DMD: variants seen among roughly 807,000 people sequenced by gnomAD.
DMD encodes mutant dystrophin.
In DMD, 63 loss-of-function variants were observed where a neutral mutation model predicts 330.1. The observed-to-expected ratio is 0.19, with a 90% CI of 0.16 to 0.24. DMD has a LOEUF of 0.24. Among genes scored for constraint, DMD ranks in the 10% least tolerant of loss-of-function variants. The pLI, the probability that DMD is intolerant of heterozygous loss-of-function variation, is 1.00. For missense variants in DMD, 3,344 were observed against 2,684.1 expected (o/e 1.25, Z -5.43); for synonymous variants, 1,223 against 959.8 (o/e 1.27, Z -5.07).
chrX:31,368,187 G>C (rs1172739753), intron 60 of DMD, among the ~76,000 whole-genome samples: 1 of 112,212 alleles, frequency 8.9e-6, no homozygotes, highest in African/African-American at 3.2e-5. Context: ...CAGCCACAGG[G>C]GTTAGTGCTT....
At chrX:32,463,700 G>C in intron 24 of DMD, 106 bp from the exon 25 acceptor site, 5 of 737,924 alleles carry the variant, frequency 6.8e-6, no homozygotes, top group African/African-American at 2.2e-5. Context: ...CATTGCATAT[G>C]GATTTTTGTC....
At chrX:33,147,095 T>C (rs1351015214) in intron 1 of DMD, among the ~76,000 whole-genome samples, 2 of 111,524 alleles carry the variant, frequency 1.8e-5, no homozygotes, top group African/African-American at 6.5e-5. Context: ...GTGCTGGGAT[T>C]ACAGGCGTGA....
intron 44 of DMD, among the ~76,000 whole-genome samples, chrX:32,082,346 A>G (rs1167149627): frequency 1.8e-5 from 2 of 110,881 alleles, no homozygotes; most frequent in Non-Finnish European, 3.8e-5. Flanking sequence ...CTCCCATCTC[A>G]GCCTCCTGAG....
At chrX:33,183,496 G>A in intron 1 of DMD, among the ~76,000 whole-genome samples, 1 of 111,560 alleles carries the variant, frequency 9.0e-6, no homozygotes, top group Non-Finnish European at 1.9e-5. Context: ...AAAGAATGAG[G>A]CTCGGCTATT....
intron 30 of DMD, among the ~76,000 whole-genome samples, chrX:32,403,450 A>G (rs751492640): frequency 1.3e-4 from 15 of 111,775 alleles, no homozygotes; most frequent in African/African-American, 3.9e-4. Context: ...CTATAGTTTA[A>G]TTGCAGTCTT....
chrX:31,691,603 T>G (rs988000549), intron 52 of DMD, among the ~76,000 whole-genome samples: 2 of 112,013 alleles, frequency 1.8e-5, no homozygotes, highest in African/African-American at 6.5e-5. Flanking sequence ...TGAAAAAAGA[T>G]ACTCCATGTA....
chrX:31,843,431 C>T (rs1258572862), intron 48 of DMD, among the ~76,000 whole-genome samples: 1 of 111,765 alleles, frequency 8.9e-6, no homozygotes, highest in Non-Finnish European at 1.9e-5. Context: ...GATGGTATCT[C>T]ATTGTGGTTT....
chrX:31,781,732 T>C (rs1569402210), intron 50 of DMD, among the ~76,000 whole-genome samples: 1 of 111,582 alleles, frequency 9.0e-6, no homozygotes. Context: ...TCCCAGATAA[T>C]TTTTTGTCGT....
chrX:31,638,794 AG>A (rs1295005564), intron 54 of DMD, among the ~76,000 whole-genome samples: 1 of 112,483 alleles, frequency 8.9e-6, no homozygotes, highest in East Asian at 2.8e-4. Flanking sequence ...AGTTGCATTT[AG>A]CATTTTAAAT....
chrX:33,246,905 C>T (rs944947918), intron 1 of DMD, among the ~76,000 whole-genome samples: 13 of 110,235 alleles, frequency 1.2e-4, no homozygotes, highest in Non-Finnish European at 2.5e-4. Context: ...AGGCTGGTCT[C>T]GAACTCCTGA....
chrX:31,417,219 T>C (rs1412271637), intron 60 of DMD, among the ~76,000 whole-genome samples: 1 of 112,685 alleles, frequency 8.9e-6, no homozygotes, highest in Non-Finnish European at 1.9e-5. Context: ...GTAATCGGTA[T>C]AAAGGCTGCT....
intron 18 of DMD, among the ~76,000 whole-genome samples, chrX:32,507,310 C>A (rs2044727267): frequency 1.8e-5 from 2 of 111,459 alleles, no homozygotes; most frequent in Admixed American, 1.9e-4. Context: ...AGAGGGGTTT[C>A]TATTTTATCT....
intron 44 of DMD, among the ~76,000 whole-genome samples, chrX:32,057,060 T>C (rs1331703660): frequency 9.0e-6 from 1 of 110,785 alleles, no homozygotes. Context: ...GCTTAACAAG[T>C]TTCAACACTT....
intron 7 of DMD, among the ~76,000 whole-genome samples, chrX:32,783,695 A>T (rs769217253): frequency 9.0e-6 from 1 of 111,048 alleles, no homozygotes; most frequent in African/African-American, 3.3e-5. Context: ...TAATCTAGAG[A>T]TAATTTAATG....
chrX:31,991,235 T>C (rs964219776), intron 44 of DMD, among the ~76,000 whole-genome samples: 1 of 111,706 alleles, frequency 9.0e-6, no homozygotes, highest in South Asian at 3.7e-4. Context: ...AGACAAACGA[T>C]ATGATAAATG....
chrX:31,396,887 T>G (rs2060972486), intron 60 of DMD, among the ~76,000 whole-genome samples: 1 of 111,646 alleles, frequency 9.0e-6, no homozygotes, highest in Non-Finnish European at 1.9e-5. Context: ...TTAGGCATTT[T>G]GAGAGTTTTG....
At chrX:32,652,391 G>T (rs764352356) in intron 9 of DMD, among the ~76,000 whole-genome samples, 10 of 104,596 alleles carry the variant, frequency 9.6e-5, no homozygotes, top group South Asian at 4.7e-4. Context: ...GTGGTATTTG[G>T]TTTTTTGTCC....
intron 59 of DMD, among the ~76,000 whole-genome samples, chrX:31,476,977 G>C (rs934262180): frequency 2.7e-5 from 3 of 111,374 alleles, no homozygotes; most frequent in Non-Finnish European, 5.7e-5. Flanking sequence ...AAATTTGTTG[G>C]ATGATGATTC....
chrX:32,254,908 C>T (rs2097292256), intron 43 of DMD, among the ~76,000 whole-genome samples: 1 of 111,932 alleles, frequency 8.9e-6, no homozygotes, highest in Non-Finnish European at 1.9e-5. Context: ...GATACATTCA[C>T]ATGGATATGT....
Sources: allele counts gnomAD v4.1 joint callset (sites outside exome capture counted in the v4.1 genomes callset), GRCh38; gene constraint gnomAD v4.1.1; transcripts MANE v1.5; gene names NCBI Gene and HGNC (gene_info 2026-07-23, HGNC 2026-07-21).